KAZN: variants seen among roughly 807,000 people sequenced by gnomAD.
KAZN encodes kazrin, periplakin interacting protein, also known as kazrin.
A neutral mutation model predicts 87.4 loss-of-function variants in KAZN; 40 were observed. The ratio of observed to expected loss-of-function variants is 0.46; its 90% CI spans 0.36 to 0.60. KAZN has a LOEUF of 0.60. Among genes scored for constraint, KAZN ranks in the 20% least tolerant of loss-of-function variants. KAZN has a pLI of 0.00. For missense variants in KAZN, 898 were observed against 1,073.9 expected, an observed-to-expected ratio of 0.84 and a Z score of 2.29; for synonymous variants, 466 against 458.3, an observed-to-expected ratio of 1.02 and a Z score of -0.22.
chr1:14,132,071 A>C (rs977144315), intron 1 of KAZN, among the ~76,000 whole-genome samples: 3 of 152,122 alleles, frequency 2.0e-5, no homozygotes, highest in Admixed American at 2.0e-4. Context: ...GAAAGTCAAT[A>C]AAAGATATAT....
At chr1:14,891,579 A>T (rs1038290444) in intron 1 of KAZN, among the ~76,000 whole-genome samples, 3 of 152,234 alleles carry the variant, frequency 2.0e-5, no homozygotes, top group African/African-American at 7.2e-5. Flanking sequence ...GCAGTTAAAG[A>T]CCACTGCTTT....
chr1:14,378,510 C>A, intron 2 of KAZN, among the ~76,000 whole-genome samples: 1 of 152,182 alleles, frequency 6.6e-6, no homozygotes, highest in East Asian at 1.9e-4. Flanking sequence ...CTTAAACTGT[C>A]GACATTACCC....
rs1375077281 is a variant in KAZN, at chr1:13,998,980, A to G, written c.91+105224A>G. Among the ~76,000 whole-genome samples, 3 of 152,272 alleles carry G rather than the reference A, an allele frequency of 2.0e-5. No individual in the cohort carries two copies. In the East Asian group the frequency reaches 5.8e-4, roughly 29 times the overall value. Reference sequence around the variant, plus strand: ...CATAATTGAAAGTAAAACACTCCTCAGCAAATGCAAAAGAACTGAAATCAT... The same window carrying G: ...CATAATTGAAAGTAAAACACTCCTCGGCAAATGCAAAAGAACTGAAATCAT... On this transcript the variant is annotated intron_variant, in intron 1 of 16. Transcript: ENST00000636203.
chr1:14,033,708 A>G (rs61273485), intron 1 of KAZN, among the ~76,000 whole-genome samples: 6,850 of 152,296 alleles, frequency 0.045, 546 homozygotes, highest in African/African-American at 0.16. Flanking sequence ...AGGCTCCCCA[A>G]TCTATGGTGA....
chr1:14,391,682 T>A (rs1662437554), intron 2 of KAZN: 1 of 152,160 alleles, frequency 6.6e-6, no homozygotes, highest in African/African-American at 2.4e-5. Flanking sequence ...CTAAATAAAG[T>A]TTGTATAGAT....
At chr1:14,828,090 A>G in intron 1 of KAZN, among the ~76,000 whole-genome samples, 1 of 152,224 alleles carries the variant, frequency 6.6e-6, no homozygotes, top group East Asian at 1.9e-4. Flanking sequence ...ATACACAATC[A>G]ATCACCGAAT....
intron 2 of KAZN, among the ~76,000 whole-genome samples, chr1:14,217,049 C>T (rs1646972211): frequency 3.3e-5 from 5 of 152,054 alleles, no homozygotes; most frequent in Admixed American, 6.5e-5. Context: ...AGTAGTAGGA[C>T]CTTTAATAAA....
chr1:15,020,311 A>G (rs1431177431), intron 2 of KAZN, among the ~76,000 whole-genome samples: 1 of 152,176 alleles, frequency 6.6e-6, no homozygotes, highest in Non-Finnish European at 1.5e-5. Flanking sequence ...CACATAATAC[A>G]TGAATCTCAA....
At chr1:14,112,185 C>G (rs1644515891) in intron 1 of KAZN, among the ~76,000 whole-genome samples, 1 of 133,878 alleles carries the variant, frequency 7.5e-6, no homozygotes, top group Admixed American at 7.4e-5. Flanking sequence ...CCACATCAGG[C>G]AAGCCAGTGA....
chr1:14,841,974 AG>A (rs1648074780), intron 1 of KAZN, among the ~76,000 whole-genome samples: 2 of 152,222 alleles, frequency 1.3e-5, no homozygotes, highest in South Asian at 2.1e-4. Context: ...CACACATTGC[AG>A]GCCTAACTCT....
chr1:14,213,094 A>G (rs570122905), intron 2 of KAZN, among the ~76,000 whole-genome samples: 10 of 152,110 alleles, frequency 6.6e-5, no homozygotes, highest in African/African-American at 2.4e-4. Flanking sequence ...ACTTGGGAAG[A>G]TTTTCTTATA....
At chr1:14,844,499 A>G (rs1252627294) in intron 1 of KAZN, among the ~76,000 whole-genome samples, 1 of 152,204 alleles carries the variant, frequency 6.6e-6, no homozygotes, top group African/African-American at 2.4e-5. Context: ...ACAAAATAAC[A>G]TCCTTCCTGG....
chr1:14,389,849 T>C (rs774771227), intron 2 of KAZN, among the ~76,000 whole-genome samples: 1 of 151,500 alleles, frequency 6.6e-6, no homozygotes, highest in Non-Finnish European at 1.5e-5. Context: ...TAAAAATAAC[T>C]AAAAGAGTAA....
Position 14,193,378 on chromosome 1 carries a change from G to T in KAZN, c.249+12786G>T, listed in dbSNP as rs149321429. On this transcript the variant is annotated intron_variant, in intron 2 of 16. Coordinates refer to the KAZN transcript ENST00000636203. ...ACAATGTGAAGACACGTCTTGGAGA[G>T]CACCATATGAAAATGAGGGATTGGA... 2.6e-4 allele frequency among the ~76,000 whole-genome samples: 39 copies of T among 152,318 alleles called. No individual in the cohort carries two copies. In the East Asian group the frequency reaches 7.5e-3, roughly 29 times the overall value.
chr1:14,215,815 T>A (rs1234455925), intron 2 of KAZN, among the ~76,000 whole-genome samples: 1 of 152,142 alleles, frequency 6.6e-6, no homozygotes, highest in Admixed American at 6.5e-5. Context: ...TCTCAAGGCT[T>A]GTGCTATAGA....
chr1:13,998,418 A>G (rs1472029415), intron 1 of KAZN, among the ~76,000 whole-genome samples: 1 of 152,252 alleles, frequency 6.6e-6, no homozygotes, highest in African/African-American at 2.4e-5. Flanking sequence ...CATTTGAAAG[A>G]CACAGACTGG....
intron 1 of KAZN, chr1:14,924,509 C>T (rs1287373437): frequency 3.0e-6 from 3 of 1,001,860 alleles, no homozygotes; most frequent in Non-Finnish European, 3.6e-6. Context: ...CGCGGCGGGG[C>T]CCGGCGATCG....
At chr1:15,110,495 ATGTG>A (rs1335801768) in intron 13 of KAZN, among the ~76,000 whole-genome samples, 2,941 of 35,304 alleles carry the variant, frequency 0.083, 44 homozygotes, top group African/African-American at 0.16. Context: ...GTGTGTATGT[ATGTG>A]TGTGTATTTG....
chr1:14,315,231 T>C (rs1655575069), intron 2 of KAZN, among the ~76,000 whole-genome samples: 1 of 152,146 alleles, frequency 6.6e-6, no homozygotes. Context: ...TAAGGGAAGT[T>C]CCTTGTCTGG....
Sources: allele counts gnomAD v4.1 joint callset (sites outside exome capture counted in the v4.1 genomes callset), GRCh38; gene constraint gnomAD v4.1.1; transcripts MANE v1.5; gene names NCBI Gene and HGNC (gene_info 2026-07-23, HGNC 2026-07-21).